Variants in INPP5F observed in about 807,000 individuals in gnomAD.
INPP5F encodes phosphatidylinositide 4-phosphatase SAC2.
A neutral mutation model predicts 137.2 loss-of-function variants in INPP5F; 97 were observed. That is an observed-to-expected ratio of 0.71 (90% confidence interval 0.60 to 0.84). The LOEUF (loss-of-function observed/expected upper bound fraction) is 0.84, where lower values mean the gene tolerates loss of function less well. Among genes scored for constraint, INPP5F ranks in the 40% least tolerant of loss-of-function variants. INPP5F has a pLI of 0.00. For missense variants in INPP5F, 1,271 were observed against 1,371.9 expected (o/e 0.93, Z 1.16); for synonymous variants, 504 against 476.9 (o/e 1.06, Z -0.74).
At chr10:119,776,554 A>G (rs754631496) in intron 2 of INPP5F, among the ~76,000 whole-genome samples, 4 of 152,048 alleles carry the variant, frequency 2.6e-5, no homozygotes, top group Non-Finnish European at 4.4e-5. Context: ...GATAATGTAC[A>G]TTGTATTTTT....
intron 2 of INPP5F, among the ~76,000 whole-genome samples, chr10:119,777,409 C>G (rs1216753761): frequency 1.3e-5 from 2 of 152,112 alleles, no homozygotes; most frequent in Non-Finnish European, 2.9e-5. Flanking sequence ...GCCTGTAGTC[C>G]CAGCCACTTG....
chr10:119,781,628 C>A lies in INPP5F; in HGVS notation c.179-7C>A. On this transcript the variant is annotated splice_polypyrimidine_tract_variant and splice_region_variant and intron_variant, in intron 2 of 19. Transcript: ENST00000650623. Reference sequence around the variant, plus strand: ...CGCCAGACTTTATTATGACTCTCCTCTTTCAGATCTTCCATGGTGGCTTAT... The same window carrying A: ...CGCCAGACTTTATTATGACTCTCCTATTTCAGATCTTCCATGGTGGCTTAT... 1 of 1,603,610 alleles carries A rather than the reference C, an allele frequency of 6.2e-7. No individual in the cohort carries two copies. Among genetic ancestry groups the A allele is most frequent in the Non-Finnish European group, 8.5e-7 (1 of 1,173,432 alleles).
intron 1 of INPP5F, among the ~76,000 whole-genome samples, chr10:119,747,910 C>T (rs1564806077): frequency 6.6e-6 from 1 of 152,204 alleles, no homozygotes; most frequent in African/African-American, 2.4e-5. Context: ...GAAAAAATTA[C>T]TTAAAAAACT....
Position 119,808,054 on chromosome 10 carries a change from T to C in INPP5F, c.1563T>C (p.Ala521=). Residue 521 remains alanine (A), a synonymous_variant, in exon 13 of 20, where the codon GCT becomes GCC. Transcript: ENST00000650623. ...SISRQYAGTA[A]LKGDFTRTGE... Reference sequence around the variant, plus strand: ...GCAGACAGTATGCTGGGACAGCTGCTCTGAAGGTAAATACTTGCAGGAAGC... The same window carrying C: ...GCAGACAGTATGCTGGGACAGCTGCCCTGAAGGTAAATACTTGCAGGAAGC... The C allele has an allele frequency of 6.2e-7, 1 of 1,611,622 alleles. No individual in the cohort carries two copies. The highest frequency in any genetic ancestry group is 8.5e-7 in the Non-Finnish European group (1 of 1,179,262).
intron 7 of INPP5F, 72 bp from the exon 8 acceptor site, chr10:119,797,389 A>C: frequency 8.5e-7 from 1 of 1,180,040 alleles, no homozygotes; most frequent in Middle Eastern, 2.3e-4. Flanking sequence ...ACATTTGATT[A>C]GGAAGCATAA....
intron 15 of INPP5F, chr10:119,819,673 T>G: frequency 1.9e-6 from 1 of 523,214 alleles, no homozygotes; most frequent in Non-Finnish European, 3.2e-6. Flanking sequence ...AGAATCGATC[T>G]GTGTGTTCCC....
intron 15 of INPP5F, 132 bp downstream of exon 15, chr10:119,812,087 G>A: frequency 1.5e-6 from 1 of 679,678 alleles, no homozygotes; most frequent in South Asian, 2.0e-5. Context: ...TCTATGAGCT[G>A]GTAGTGAGGC....
Position 119,827,805 on chromosome 10 carries a change from T to C in INPP5F, c.*25T>C. 1 of 1,482,050 alleles carries C rather than the reference T, an allele frequency of 6.7e-7. No homozygotes were observed. Among genetic ancestry groups the C allele is most frequent in the Non-Finnish European group, 9.2e-7 (1 of 1,088,642 alleles). The allele number at this position is 1,482,050 out of a possible 1,614,324, so 91.8% of individuals were successfully genotyped here. A position where few individuals can be genotyped will look rare whatever the true frequency, so the allele number is the denominator to read the frequency against. ...GCTTTTAGCCATAAGAATCCTTCCA[T>C]GGCTTTTATTTAAAAATATGAAATT... is the stretch of plus-strand genomic sequence containing the variant. On this transcript the variant is annotated 3_prime_UTR_variant, in exon 20 of 20. Transcript: ENST00000650623.
rs1367491499 is a variant in INPP5F, at chr10:119,726,262, C to T, written c.-1C>T. 1.0e-5 allele frequency: 15 copies of T among 1,474,244 alleles called. No individual in the cohort carries two copies. Among genetic ancestry groups the T allele is most frequent in the Non-Finnish European group, 9.0e-6 (10 of 1,111,676 alleles). The allele number at this position is 1,474,244 out of a possible 1,614,324, so 91.3% of individuals were successfully genotyped here. A position where few individuals can be genotyped will look rare whatever the true frequency, so the allele number is the denominator to read the frequency against. On this transcript the variant is annotated 5_prime_UTR_variant, in exon 1 of 20. Transcript: ENST00000650623. ...CGCCTCCCTGGGCGCGCGGGGCCAGCATGGAGCTCTTCCAAGCCAAGGACC... is the reference window on the plus strand; with the variant it reads ...CGCCTCCCTGGGCGCGCGGGGCCAGTATGGAGCTCTTCCAAGCCAAGGACC...
intron 2 of INPP5F, among the ~76,000 whole-genome samples, chr10:119,778,858 C>T (rs189868684): frequency 4.5e-4 from 68 of 152,238 alleles, no homozygotes; most frequent in African/African-American, 1.6e-3. Context: ...GTTTGAGGTT[C>T]TCCCACATTC....
At chr10:119,732,075 G>A (rs1848088039) in intron 1 of INPP5F, among the ~76,000 whole-genome samples, 1 of 143,274 alleles carries the variant, frequency 7.0e-6, no homozygotes, top group Admixed American at 7.2e-5. Context: ...GACAGCCCAG[G>A]CTGGAGTGTG....
chr10:119,767,820 T>C (rs1409893052), intron 2 of INPP5F, among the ~76,000 whole-genome samples: 5 of 152,186 alleles, frequency 3.3e-5, no homozygotes, highest in Non-Finnish European at 7.3e-5. Flanking sequence ...AATAACAAAA[T>C]GTTCAAGTCA....
intron 19 of INPP5F, among the ~76,000 whole-genome samples, chr10:119,826,180 G>T (rs1399778237): frequency 6.6e-6 from 1 of 152,206 alleles, no homozygotes; most frequent in Non-Finnish European, 1.5e-5. Context: ...GATGGTGGCT[G>T]TGCTAGACCC....
Position 119,726,352 on chromosome 10 carries a change from C to T in INPP5F, c.90C>T (p.Leu30=). The T allele has an allele frequency of 6.3e-6, 9 of 1,423,970 alleles. No homozygotes were observed. The highest frequency in any genetic ancestry group is 4.3e-5 in the South Asian group (3 of 70,242). 88.2% of individuals were successfully genotyped at this position (1,423,970 alleles called of 1,614,324 possible). A position where few individuals can be genotyped will look rare whatever the true frequency, so the allele number is the denominator to read the frequency against. Residue 30 remains leucine (L), a synonymous_variant, in exon 1 of 20, where the codon CTC becomes CTT. Coordinates refer to ENST00000650623, the MANE Select transcript of INPP5F (RefSeq NM_014937.4). ...WCSRRDGGLQ[L]RPATDLLLAW... ...GCCGCCGCGACGGCGGCCTCCAGCT[C>T]CGACCCGGTGAGGCTGGCGGTGCGG...
At chr10:119,726,751 G>A (rs1454659288) in intron 1 of INPP5F, among the ~76,000 whole-genome samples, 4 of 152,206 alleles carry the variant, frequency 2.6e-5, no homozygotes, top group Non-Finnish European at 5.9e-5. Flanking sequence ...AGAAGTTCTG[G>A]GTTCGAATTC....
chr10:119,794,262 C>A (rs373651110), intron 6 of INPP5F, among the ~76,000 whole-genome samples: 1 of 152,074 alleles, frequency 6.6e-6, no homozygotes, highest in Non-Finnish European at 1.5e-5. Context: ...TAACAAAGCA[C>A]ATCTTGCACC....
intron 4 of INPP5F, 70 bp downstream of exon 4, chr10:119,791,715 C>T: frequency 7.0e-7 from 1 of 1,428,766 alleles, no homozygotes; most frequent in Non-Finnish European, 9.6e-7. Context: ...TAATTCTCCA[C>T]TCAGAAAATT....
chr10:119,736,696 A>G (rs968855501), intron 1 of INPP5F, among the ~76,000 whole-genome samples: 2 of 152,182 alleles, frequency 1.3e-5, no homozygotes, highest in Non-Finnish European at 2.9e-5. Context: ...TTTATGCTTC[A>G]TATAGAGAAT....
intron 2 of INPP5F, among the ~76,000 whole-genome samples, chr10:119,774,674 A>G (rs1035800269): frequency 1.3e-5 from 2 of 152,030 alleles, no homozygotes; most frequent in East Asian, 3.9e-4. Context: ...CCTGTTGCTA[A>G]TGTTATGATA....
Sources: allele counts gnomAD v4.1 joint callset (sites outside exome capture counted in the v4.1 genomes callset), GRCh38; gene constraint gnomAD v4.1.1; transcripts MANE v1.5; gene names NCBI Gene and HGNC (gene_info 2026-07-23, HGNC 2026-07-21).